The following CSMD1 variants were observed in gnomAD, a reference collection of about 807,000 sequenced individuals.
The protein encoded by CSMD1 is CUB and Sushi multiple domains 1, also known as CUB and sushi domain-containing protein 1.
A neutral mutation model predicts 417.5 loss-of-function variants in CSMD1; 213 were observed. The ratio of observed to expected loss-of-function variants is 0.51; its 90% CI spans 0.46 to 0.57. CSMD1 has a LOEUF of 0.57. Ranked by LOEUF, CSMD1 falls within the 20% of genes least tolerant of loss-of-function variation. CSMD1 has a pLI of 0.00. For missense variants in CSMD1, 6,923 were observed against 4,529.7 expected, an observed-to-expected ratio of 1.53 and a Z score of -15.17; for synonymous variants, 2,862 against 1,736.8, an observed-to-expected ratio of 1.65 and a Z score of -16.11.
intron 49 of CSMD1, among the ~76,000 whole-genome samples, chr8:3,072,797 T>C (rs934140116): frequency 1.3e-5 from 2 of 152,222 alleles, no homozygotes; most frequent in Non-Finnish European, 2.9e-5. Flanking sequence ...GCTTGCCGAA[T>C]ATCTGAATAC....
chr8:3,020,865 C>A (rs1335074275), intron 51 of CSMD1, among the ~76,000 whole-genome samples: 4 of 152,212 alleles, frequency 2.6e-5, no homozygotes, highest in Non-Finnish European at 5.9e-5. Flanking sequence ...ATTACAGTGT[C>A]ATATCGTTTG....
intron 2 of CSMD1, among the ~76,000 whole-genome samples, chr8:4,572,923 G>A (rs900753301): frequency 6.6e-6 from 1 of 152,088 alleles, no homozygotes; most frequent in Admixed American, 6.5e-5. Context: ...ACTGATACTT[G>A]TGTATGCGTC....
intron 12 of CSMD1, among the ~76,000 whole-genome samples, chr8:3,439,309 A>ATATATATATATATATATATATTTTTT: frequency 4.8e-5 from 3 of 62,454 alleles, no homozygotes; most frequent in Admixed American, 2.2e-4. Context: ...ATATATATAT[A>ATATATATATATATATATATATTTTTT]TTTTTTTTTT....
Position 2,973,172 on chromosome 8 carries a change from A to C in CSMD1, c.8868T>G (p.Pro2956=). The C allele has an allele frequency of 6.2e-7, 1 of 1,613,838 alleles. No individual in the cohort carries two copies. The highest frequency in any genetic ancestry group is 1.1e-5 in the South Asian group (1 of 91,074). ...ACCCATTGAGCAAACACGTGCGTTCAGGGGAGCCCCTCAGCTGGTGCCCCA... is the reference window on the plus strand; with the variant it reads ...ACCCATTGAGCAAACACGTGCGTTCCGGGGAGCCCCTCAGCTGGTGCCCCA... The part of the protein sequence containing the change: ...CEMGHQLRGS[P]ERTCLLNGSW... Residue 2956 remains proline, a synonymous_variant, in exon 57 of 70, where the codon CCT becomes CCG. Coordinates refer to ENST00000635120, the MANE Select transcript of CSMD1 (RefSeq NM_033225.6).
At chr8:4,192,767 CA>C (rs1386415824) in intron 3 of CSMD1, among the ~76,000 whole-genome samples, 1 of 152,176 alleles carries the variant, frequency 6.6e-6, no homozygotes, top group East Asian at 1.9e-4. Flanking sequence ...TTTCCATTTT[CA>C]AGAATTTCCA....
At chr8:3,418,287 C>G (rs766714530) in intron 12 of CSMD1, among the ~76,000 whole-genome samples, 1 of 152,104 alleles carries the variant, frequency 6.6e-6, no homozygotes, top group Non-Finnish European at 1.5e-5. Flanking sequence ...TGAACTGTCT[C>G]AGCAGCTCAT....
chr8:4,750,589 G>C (rs1811252528), intron 1 of CSMD1, among the ~76,000 whole-genome samples: 1 of 152,000 alleles, frequency 6.6e-6, no homozygotes, highest in Admixed American at 6.5e-5. Context: ...GTAATTCTGA[G>C]TGGTTCGTGA....
intron 12 of CSMD1, 43 bp downstream of exon 12, chr8:3,468,669 G>T: frequency 7.8e-7 from 1 of 1,283,828 alleles, no homozygotes; most frequent in South Asian, 1.3e-5. Flanking sequence ...GCCCTCTCTT[G>T]GAATGCTAAC....
At chr8:4,033,354 A>C (rs542999127) in intron 3 of CSMD1, among the ~76,000 whole-genome samples, 175 of 152,198 alleles carry the variant, frequency 1.1e-3, no homozygotes, top group Admixed American at 2.7e-3. Context: ...AGGCAGGAGA[A>C]TGGCGTGAAC....
chr8:3,935,825 C>A (rs1379359498), intron 5 of CSMD1, among the ~76,000 whole-genome samples: 1 of 152,058 alleles, frequency 6.6e-6, no homozygotes, highest in African/African-American at 2.4e-5. Context: ...AAGGAAGAGT[C>A]ACATGTCTCT....
intron 1 of CSMD1, among the ~76,000 whole-genome samples, chr8:4,754,858 G>A (rs1306537423): frequency 6.6e-6 from 1 of 150,942 alleles, no homozygotes; most frequent in East Asian, 2.0e-4. Flanking sequence ...AACAAAGTCG[G>A]ATGAGTGTGG....
At chr8:4,051,058 C>A (rs945848011) in intron 3 of CSMD1, among the ~76,000 whole-genome samples, 8 of 151,988 alleles carry the variant, frequency 5.3e-5, no homozygotes, top group Non-Finnish European at 1.2e-4. Flanking sequence ...TCCTCTCTGG[C>A]TTTGTTTTGA....
At chr8:4,924,632 G>A (rs1028827846) in intron 1 of CSMD1, among the ~76,000 whole-genome samples, 50 of 129,986 alleles carry the variant, frequency 3.8e-4, no homozygotes, top group African/African-American at 1.4e-3. Context: ...TGAGACAAGA[G>A]AATTACTTGA....
chr8:3,083,610 TTATATATA>T (rs1554507974), intron 49 of CSMD1, among the ~76,000 whole-genome samples: 48 of 30,916 alleles, frequency 1.6e-3, no homozygotes, highest in African/African-American at 6.1e-3. Flanking sequence ...ACCATAATTT[TTATATATA>T]TATATATATA....
At position 3,838,872 on chromosome 8, in the gene CSMD1, TATA is replaced by T. The variant is rs1458233561; in HGVS notation, c.819-84833_819-84831del. On this transcript the variant is annotated intron_variant, in intron 5 of 69. Coordinates refer to ENST00000635120, the MANE Select transcript of CSMD1 (RefSeq NM_033225.6). ...ACTATTATATATACTATTAATTATA[TATA>T]ATATTAATTATAATATATAATAATA... Among the ~76,000 whole-genome samples the T allele has an allele frequency of 9.6e-4, 108 of 112,554 alleles. 3 individuals are homozygous for T. Among genetic ancestry groups the T allele is most frequent in the African/African-American group, 3.2e-3 (86 of 26,728 alleles). 73.8% of individuals were successfully genotyped at this position (112,554 alleles called of 152,430 possible). A position where few individuals can be genotyped will look rare whatever the true frequency, so the allele number is the denominator to read the frequency against.
intron 3 of CSMD1, among the ~76,000 whole-genome samples, chr8:4,164,325 C>T (rs4524819): frequency 0.39 from 58,943 of 151,758 alleles, 11,662 homozygotes; most frequent in Middle Eastern, 0.5. Flanking sequence ...CATTTAAAAA[C>T]ATATCTAAAT....
chr8:3,484,877 G>A (rs1004639140), intron 11 of CSMD1, among the ~76,000 whole-genome samples: 1 of 152,174 alleles, frequency 6.6e-6, no homozygotes, highest in African/African-American at 2.4e-5. Flanking sequence ...ACAACGAGGT[G>A]TCATTACACA....
intron 5 of CSMD1, among the ~76,000 whole-genome samples, chr8:3,847,205 T>G (rs1409941527): frequency 6.6e-6 from 1 of 152,086 alleles, no homozygotes; most frequent in Non-Finnish European, 1.5e-5. Flanking sequence ...ACTCTTACCA[T>G]TATGTTACAT....
intron 1 of CSMD1, among the ~76,000 whole-genome samples, chr8:4,867,957 C>A (rs1246772067): frequency 2.7e-5 from 1 of 37,108 alleles, no homozygotes; most frequent in Non-Finnish European, 9.6e-5. Flanking sequence ...TCTACAAGTG[C>A]CTTAGATATT....
Sources: allele counts gnomAD v4.1 joint callset (sites outside exome capture counted in the v4.1 genomes callset), GRCh38; gene constraint gnomAD v4.1.1; transcripts MANE v1.5; gene names NCBI Gene and HGNC (gene_info 2026-07-23, HGNC 2026-07-21).